CFAP299: variants seen among roughly 807,000 people sequenced by gnomAD.
CFAP299 encodes cilia and flagella associated protein 299, also known as cilia- and flagella-associated protein 299.
Under a neutral mutation model 27.0 loss-of-function variants are expected in CFAP299, and 21 were observed. That is an observed-to-expected ratio of 0.78 (90% CI 0.55 to 1.12). CFAP299 has a LOEUF of 1.12. Ranked by LOEUF, CFAP299 falls within the 50% of genes most tolerant of loss-of-function variation. The probability of loss-of-function intolerance (pLI) is 0.00; values close to 1 mark genes in which losing one functional copy is unlikely to be tolerated. For synonymous variants in CFAP299, 104 were observed against 98.1 expected (o/e 1.06, Z -0.36); for missense variants, 310 against 276.6 (o/e 1.12, Z -0.86).
intron 2 of CFAP299, among the ~76,000 whole-genome samples, chr4:80,478,352 AT>A (rs1553926417): frequency 1.3e-5 from 2 of 152,070 alleles, no homozygotes; most frequent in East Asian, 1.9e-4. Flanking sequence ...TTATTTTATA[AT>A]TTTTTTGTTT....
upstream of CFAP299, among the ~76,000 whole-genome samples, chr4:80,331,336 G>T (rs951297595): frequency 6.6e-6 from 1 of 152,202 alleles, no homozygotes; most frequent in Non-Finnish European, 1.5e-5. Context: ...TTATCCTAAG[G>T]GTAATGGGGA....
chr4:80,835,539 T>G (rs1730517564), intron 3 of CFAP299, among the ~76,000 whole-genome samples: 1 of 152,120 alleles, frequency 6.6e-6, no homozygotes, highest in African/African-American at 2.4e-5. Flanking sequence ...GGCTGACTGT[T>G]GGTTCCCAAT....
rs564437032 is a variant in CFAP299, at chr4:80,942,935, C to T, written c.477-1875C>T. On this transcript the variant is annotated intron_variant, in intron 4 of 5. Transcript: ENST00000358105. ...AAACTGAATTAGAAAATCCAGCTTG[C>T]GTAGATAGTCAAATTGGCTTCTAAT... Among the ~76,000 whole-genome samples the T allele has an allele frequency of 1.2e-4, 19 of 152,230 alleles. 1 individual carries two copies. The East Asian group carries it at 1.9e-3, about 15-fold the overall frequency.
chr4:80,959,926 A>T (rs1738259431), intron 5 of CFAP299, among the ~76,000 whole-genome samples: 1 of 151,958 alleles, frequency 6.6e-6, no homozygotes, highest in Non-Finnish European at 1.5e-5. Context: ...ACAATAAAAT[A>T]TTAAAAAATA....
chr4:80,386,300 C>A, intron 2 of CFAP299: 1 of 1,274,436 alleles, frequency 7.8e-7, no homozygotes, highest in Non-Finnish European at 1.1e-6. Context: ...GTACCACCAG[C>A]TCAGATTCTG....
chr4:80,724,361 A>G (rs1010130258), intron 3 of CFAP299, among the ~76,000 whole-genome samples: 1 of 152,134 alleles, frequency 6.6e-6, no homozygotes, highest in Non-Finnish European at 1.5e-5. Flanking sequence ...TAAAGTTAAT[A>G]ATGTATACAC....
intron 2 of CFAP299, among the ~76,000 whole-genome samples, chr4:80,541,359 G>A (rs1410009346): frequency 6.6e-6 from 1 of 152,108 alleles, no homozygotes; most frequent in Non-Finnish European, 1.5e-5. Flanking sequence ...TTTCTTCAAA[G>A]AAACAGATGG....
intron 4 of CFAP299, among the ~76,000 whole-genome samples, chr4:80,898,085 G>A (rs538609119): frequency 6.6e-6 from 1 of 152,228 alleles, no homozygotes; most frequent in South Asian, 2.1e-4. Context: ...TACAGTAAGG[G>A]CTCTTTTAGC....
At chr4:80,678,336 T>C (rs1329508199) in intron 3 of CFAP299, among the ~76,000 whole-genome samples, 2 of 152,050 alleles carry the variant, frequency 1.3e-5, no homozygotes, top group African/African-American at 2.4e-5. Flanking sequence ...AAAATGTGGC[T>C]TCTACTCTGA....
intron 3 of CFAP299, among the ~76,000 whole-genome samples, chr4:80,844,257 G>C (rs1465588281): frequency 6.6e-6 from 1 of 152,048 alleles, no homozygotes; most frequent in Non-Finnish European, 1.5e-5. Context: ...ATAGTCCTTT[G>C]GGTATATACC....
intron 3 of CFAP299, among the ~76,000 whole-genome samples, chr4:80,697,217 A>G (rs1390456569): frequency 1.3e-5 from 2 of 152,250 alleles, no homozygotes; most frequent in Admixed American, 6.5e-5. Context: ...TATCAGAAAA[A>G]CAATCTGTAT....
At chr4:80,729,864 A>T (rs867684170) in intron 3 of CFAP299, among the ~76,000 whole-genome samples, 1 of 151,880 alleles carries the variant, frequency 6.6e-6, no homozygotes, top group Non-Finnish European at 1.5e-5. Flanking sequence ...CGGCCTCCCA[A>T]AGTGCTGGGA....
chr4:80,869,317 T>C (rs546921537), intron 3 of CFAP299, among the ~76,000 whole-genome samples: 1 of 152,212 alleles, frequency 6.6e-6, no homozygotes, highest in East Asian at 1.9e-4. Context: ...GATATATAAC[T>C]AATCCATCAC....
At chr4:80,604,779 C>T (rs560373771) in intron 3 of CFAP299, among the ~76,000 whole-genome samples, 6 of 151,588 alleles carry the variant, frequency 4.0e-5, no homozygotes, top group South Asian at 4.2e-4. Context: ...AATCAAAAAA[C>T]GAAGTATAAA....
intron 3 of CFAP299, among the ~76,000 whole-genome samples, chr4:80,644,979 C>A (rs1368708896): frequency 6.6e-6 from 1 of 152,044 alleles, no homozygotes; most frequent in African/African-American, 2.4e-5. Context: ...TTTTATTAAC[C>A]TAGCTTCTAT....
chr4:80,543,206 A>G (rs558642299), intron 2 of CFAP299, among the ~76,000 whole-genome samples: 1 of 152,324 alleles, frequency 6.6e-6, no homozygotes, highest in South Asian at 2.1e-4. Context: ...CAAAAGCCCT[A>G]TCCAAAGGAC....
intron 3 of CFAP299, among the ~76,000 whole-genome samples, chr4:80,823,692 G>C (rs1008472599): frequency 6.6e-6 from 1 of 152,052 alleles, no homozygotes; most frequent in Non-Finnish European, 1.5e-5. Context: ...TCTACCTTAT[G>C]CCTGGTACTA....
intron 4 of CFAP299, 133 bp downstream of exon 4, chr4:80,870,268 A>G: frequency 7.7e-7 from 1 of 1,296,106 alleles, no homozygotes; most frequent in Non-Finnish European, 9.9e-7. Context: ...TATGAAAATA[A>G]CTAAATCTTA....
intron 3 of CFAP299, among the ~76,000 whole-genome samples, chr4:80,777,970 T>A (rs979467229): frequency 6.6e-6 from 1 of 152,146 alleles, no homozygotes; most frequent in Admixed American, 6.5e-5. Flanking sequence ...ATTTCTATGA[T>A]AGAAAAGCCC....
Sources: gnomAD v4.1 joint callset for allele counts (sites outside exome capture counted in the v4.1 genomes callset) on GRCh38, gnomAD v4.1.1 for gene constraint, MANE v1.5 for transcripts, NCBI Gene and HGNC (gene_info 2026-07-23, HGNC 2026-07-21) for gene names.